The following ARHGEF3 variants were observed in gnomAD, a reference collection of about 807,000 sequenced individuals.
ARHGEF3 encodes the protein 59.8 kDA protein.
In ARHGEF3, 28 loss-of-function variants were observed where a neutral mutation model predicts 63.2. That is an observed-to-expected ratio of 0.44 (90% CI 0.33 to 0.61). ARHGEF3 has a LOEUF of 0.61. Among genes scored for constraint, ARHGEF3 ranks in the 20% least tolerant of loss-of-function variants. ARHGEF3 has a pLI of 0.03. For missense variants in ARHGEF3, 533 were observed against 659.3 expected, an observed-to-expected ratio of 0.81 and a Z score of 2.10; for synonymous variants, 266 against 254.2, an observed-to-expected ratio of 1.05 and a Z score of -0.44.
chr3:56,988,696 G>A (rs540492973), intron 2 of ARHGEF3, among the ~76,000 whole-genome samples: 1 of 152,126 alleles, frequency 6.6e-6, no homozygotes, highest in African/African-American at 2.4e-5. Flanking sequence ...TTTAATTTTT[G>A]TACCAAAGGG....
At chr3:57,042,605 A>G (rs1053200993) in intron 1 of ARHGEF3, among the ~76,000 whole-genome samples, 2 of 144,734 alleles carry the variant, frequency 1.4e-5, no homozygotes, top group African/African-American at 5.1e-5. Context: ...CCTGTCCCCA[A>G]GAGCTGACTG....
In ARHGEF3 at chr3:56,772,731, G is replaced by A. The variant is rs905974604; in HGVS notation, c.204+978C>T. On this transcript the variant is annotated intron_variant, in intron 2 of 9. Coordinates refer to ENST00000296315, the MANE Select transcript of ARHGEF3 (RefSeq NM_019555.3). ...AGCTAATATTTACTACTTAGTTAAC[G>A]AATTTGAAGATTAATGATTGCTAAC... Among the ~76,000 whole-genome samples, 15 of 152,194 alleles carry A rather than the reference G, an allele frequency of 9.9e-5. No individual in the cohort carries two copies. The Middle Eastern group carries it at 0.01, about 104-fold the overall frequency.
rs1487704510 is a variant in ARHGEF3, at chr3:56,845,975, T to G, written c.192+36317A>C. Among the ~76,000 whole-genome samples, 4 of 152,338 alleles carry G rather than the reference T, an allele frequency of 2.6e-5. No homozygotes were observed. In the East Asian group the frequency reaches 7.7e-4, roughly 29 times the overall value. Reference sequence around the variant, plus strand: ...GTAGCAGCTGTCCCTAGACTTCCACTGTGATAATGAAACAAAAATGCAGCA... The same window carrying G: ...GTAGCAGCTGTCCCTAGACTTCCACGGTGATAATGAAACAAAAATGCAGCA... On this transcript the variant is annotated intron_variant, in intron 4 of 12. Transcript: ENST00000338458.
intron 3 of ARHGEF3, among the ~76,000 whole-genome samples, chr3:56,899,752 T>C (rs541961552): frequency 1.3e-5 from 2 of 152,214 alleles, no homozygotes; most frequent in African/African-American, 4.8e-5. Flanking sequence ...ATTTTGCTGC[T>C]GTGACAAGTA....
At chr3:56,740,684 T>C (rs2033955308) in intron 7 of ARHGEF3, among the ~76,000 whole-genome samples, 1 of 152,232 alleles carries the variant, frequency 6.6e-6, no homozygotes, top group African/African-American at 2.4e-5. Flanking sequence ...TTTATCCTTT[T>C]ACCTTTCCAT....
At chr3:56,965,783 G>C (rs1700469913) in intron 2 of ARHGEF3, among the ~76,000 whole-genome samples, 1 of 151,748 alleles carries the variant, frequency 6.6e-6, no homozygotes, top group Non-Finnish European at 1.5e-5. Context: ...TGAGTAGCTG[G>C]GACTACTGGC....
intron 1 of ARHGEF3, among the ~76,000 whole-genome samples, chr3:56,784,181 C>T (rs541849091): frequency 6.6e-6 from 1 of 152,320 alleles, no homozygotes; most frequent in Non-Finnish European, 1.5e-5. Flanking sequence ...AGCTGGAGAA[C>T]TTTAAAGAGT....
At chr3:56,916,858 A>C (rs966662054) in intron 3 of ARHGEF3, among the ~76,000 whole-genome samples, 3 of 152,180 alleles carry the variant, frequency 2.0e-5, no homozygotes, top group African/African-American at 7.2e-5. Flanking sequence ...CCTGTCCGGG[A>C]TACAGAGCCC....
intron 3 of ARHGEF3, among the ~76,000 whole-genome samples, chr3:56,895,565 G>A (rs930691559): frequency 6.6e-6 from 1 of 152,028 alleles, no homozygotes; most frequent in African/African-American, 2.4e-5. Flanking sequence ...CTGGGTTCAC[G>A]CCATTCTCCT....
At position 56,801,760 on chromosome 3, in the gene ARHGEF3, C is replaced by T. The variant is rs1167641144; in HGVS notation, c.39G>A (p.Lys13=). ...GTAGCTCCAGGCTGCAGTTCGCTCT[C>T]TTGACCGTGAGGTAGAAGGGGTAAT... ...AKDYPFYLTV[K]RANCSLELPP... is the part of the protein sequence containing the mutation. The change falls in exon 1 of 10, where the codon AAG becomes AAA. Residue 13 remains lysine, a synonymous_variant. Coordinates refer to ENST00000296315, the MANE Select transcript of ARHGEF3 (RefSeq NM_019555.3). 6.4e-7 allele frequency: 1 copy of T among 1,570,014 alleles called. No homozygotes were observed. Among genetic ancestry groups the T allele is most frequent in the Non-Finnish European group, 8.6e-7 (1 of 1,156,160 alleles).
At chr3:56,921,055 A>AG (rs1491476810) in intron 3 of ARHGEF3, among the ~76,000 whole-genome samples, 1 of 31,070 alleles carries the variant, frequency 3.2e-5, no homozygotes, top group Non-Finnish European at 5.8e-5. Flanking sequence ...ACTCCATCTC[A>AG]AAAAAAAAAA....
chr3:57,076,454 G>A (rs569668141), intron 1 of ARHGEF3, among the ~76,000 whole-genome samples: 91 of 152,140 alleles, frequency 6.0e-4, no homozygotes, highest in Non-Finnish European at 1.1e-3. Flanking sequence ...ATAGCATGCA[G>A]GAGGCCACAT....
chr3:56,975,254 C>A (rs915286089), intron 2 of ARHGEF3, among the ~76,000 whole-genome samples: 6 of 152,040 alleles, frequency 3.9e-5, no homozygotes, highest in Non-Finnish European at 8.8e-5. Context: ...TCCGTCTCTA[C>A]TAAAAATTCA....
chr3:57,008,335 T>C (rs1431395345), intron 2 of ARHGEF3, among the ~76,000 whole-genome samples: 1 of 151,904 alleles, frequency 6.6e-6, no homozygotes, highest in African/African-American at 2.4e-5. Context: ...CTCTGCTAGC[T>C]CCACAGAGCA....
chr3:57,045,475 A>C (rs1704413051), intron 1 of ARHGEF3, among the ~76,000 whole-genome samples: 1 of 152,178 alleles, frequency 6.6e-6, no homozygotes, highest in Non-Finnish European at 1.5e-5. Flanking sequence ...CTACTGTATG[A>C]TAGGCATGGA....
chr3:57,016,985 G>C (rs910387252), intron 2 of ARHGEF3, among the ~76,000 whole-genome samples: 1 of 148,092 alleles, frequency 6.8e-6, no homozygotes, highest in Non-Finnish European at 1.5e-5. Context: ...GTGGGGGAGA[G>C]AGAGGAAAGC....
intron 1 of ARHGEF3, among the ~76,000 whole-genome samples, chr3:57,039,284 A>G (rs1704082497): frequency 6.6e-6 from 1 of 152,188 alleles, no homozygotes; most frequent in Admixed American, 6.5e-5. Context: ...TTCTTCATTT[A>G]AAAATTTCCC....
chr3:56,752,427 C>T (rs1431077977), intron 4 of ARHGEF3, among the ~76,000 whole-genome samples: 2 of 152,204 alleles, frequency 1.3e-5, no homozygotes, highest in Non-Finnish European at 2.9e-5. Context: ...CAAATCAAAA[C>T]TGCTCTAGAA....
At chr3:56,964,707 G>C (rs1159288645) in intron 2 of ARHGEF3, among the ~76,000 whole-genome samples, 2 of 152,050 alleles carry the variant, frequency 1.3e-5, no homozygotes, top group East Asian at 3.9e-4. Context: ...GTAGTGAGGA[G>C]TGCCGCAGGG....
Sources: gnomAD v4.1 joint callset for allele counts (sites outside exome capture counted in the v4.1 genomes callset) on GRCh38, gnomAD v4.1.1 for gene constraint, MANE v1.5 for transcripts, NCBI Gene and HGNC (gene_info 2026-07-23, HGNC 2026-07-21) for gene names.